Variants in C10orf88 observed in about 807,000 individuals in gnomAD.
C10orf88 encodes chromosome 10 open reading frame 88.
In C10orf88, 29 loss-of-function variants were observed where a neutral mutation model predicts 34.2. That is an observed-to-expected ratio of 0.85 (90% CI 0.63 to 1.16). C10orf88 has a LOEUF of 1.16. Ranked by LOEUF, C10orf88 falls within the 50% of genes most tolerant of loss-of-function variation. The pLI, the probability that C10orf88 is intolerant of heterozygous loss-of-function variation, is 0.00. For missense variants in C10orf88, 507 were observed against 533.2 expected, an observed-to-expected ratio of 0.95 and a Z score of 0.48; for synonymous variants, 194 against 197.4, an observed-to-expected ratio of 0.98 and a Z score of 0.15.
intron 4 of C10orf88, among the ~76,000 whole-genome samples, chr10:122,941,911 T>C (rs1848587031): frequency 6.6e-6 from 1 of 151,990 alleles, no homozygotes; most frequent in Non-Finnish European, 1.5e-5. Context: ...GCTACATGCA[T>C]AAAAAAACTC....
Position 122,954,020 on chromosome 10 carries a change from A to G in C10orf88, c.159T>C (p.Ala53=). Residue 53 remains alanine, a synonymous_variant, in exon 1 of 6, where the codon GCT becomes GCC. Coordinates refer to ENST00000481909, the MANE Select transcript of C10orf88 (RefSeq NM_024942.4). ...FDWEELLAPP[A]PGQDLVILKR... is the part of the protein sequence containing the mutation. ...TCCCCGTCGGCCCGGCGCACCCTGG[A>G]GCAGGCGGTGCCAGCAGCTCCTCCC... The G allele has an allele frequency of 1.3e-6, 2 of 1,523,372 alleles. No homozygotes were observed. Among genetic ancestry groups the G allele is most frequent in the Non-Finnish European group, 8.8e-7 (1 of 1,139,158 alleles). 94.4% of individuals were successfully genotyped at this position (1,523,372 alleles called of 1,614,324 possible). A position where few individuals can be genotyped will look rare whatever the true frequency, so the allele number is the denominator to read the frequency against.
At chr10:122,949,568 A>T (rs1411980947) in intron 3 of C10orf88, among the ~76,000 whole-genome samples, 3 of 152,246 alleles carry the variant, frequency 2.0e-5, no homozygotes, top group Non-Finnish European at 2.9e-5. Flanking sequence ...CATGTTCCAG[A>T]CAGGACTGAG....
chr10:122,943,695 C>G (rs1848607947), intron 4 of C10orf88, among the ~76,000 whole-genome samples: 1 of 151,992 alleles, frequency 6.6e-6, no homozygotes, highest in Non-Finnish European at 1.5e-5. Context: ...ACAAACAACC[C>G]CATCAAAAAG....
At position 122,951,964 on chromosome 10, in the gene C10orf88, C is replaced by T; in HGVS notation, c.431G>A (p.Cys144Tyr). The change falls in exon 3 of 6, where the codon TGT (cysteine) becomes TAT (tyrosine). Residue 144 changes from cysteine to tyrosine, a missense_variant. Coordinates refer to ENST00000481909, the MANE Select transcript of C10orf88 (RefSeq NM_024942.4). Reference sequence around the variant, plus strand: ...CAACTGACAACTTACCTTTATTTTACAAGCATGTGTGGAGGACTCCAATTT... The same window carrying T: ...CAACTGACAACTTACCTTTATTTTATAAGCATGTGTGGAGGACTCCAATTT... ...NLKLESSTHA[C>Y]KIKLLSFGER... The T allele has an allele frequency of 6.5e-7, 1 of 1,543,218 alleles. No individual in the cohort carries two copies. Among genetic ancestry groups the T allele is most frequent in the Non-Finnish European group, 8.9e-7 (1 of 1,123,626 alleles).
Position 122,954,050 on chromosome 10 carries a change from G to A in C10orf88, c.129C>T (p.Phe43=). ...LTRAGLGPGD[F]DWEELLAPPA... ...GCGGTGCCAGCAGCTCCTCCCAGTC[G>A]AAGTCACCGGGGCCGAGACCGGCCC... The change falls in exon 1 of 6, where the codon TTC becomes TTT. Residue 43 remains phenylalanine, a synonymous_variant. Transcript: ENST00000481909. 3.3e-6 allele frequency: 5 copies of A among 1,538,300 alleles called. No individual in the cohort carries two copies. Among genetic ancestry groups the A allele is most frequent in the Non-Finnish European group, 3.5e-6 (4 of 1,145,242 alleles).
chr10:122,937,407 C>T (rs1286290479), intron 5 of C10orf88, among the ~76,000 whole-genome samples: 1 of 152,002 alleles, frequency 6.6e-6, no homozygotes, highest in Non-Finnish European at 1.5e-5. Context: ...ATAATTCCCA[C>T]AGCTCCTTTC....
intron 5 of C10orf88, 111 bp from the exon 6 acceptor site, chr10:122,932,772 T>C: frequency 1.4e-6 from 1 of 737,148 alleles, no homozygotes; most frequent in Non-Finnish European, 2.2e-6. Flanking sequence ...ACAACTGTGC[T>C]CTGTCTTCTT....
intron 4 of C10orf88, among the ~76,000 whole-genome samples, chr10:122,947,560 C>T (rs1848651149): frequency 6.6e-6 from 1 of 152,144 alleles, no homozygotes; most frequent in South Asian, 2.1e-4. Flanking sequence ...TTTCCTCTCC[C>T]TTCACCACCC....
Position 122,954,224 on chromosome 10 carries a change from C to T in C10orf88, c.-46G>A. ...CAGCCCAGCCCCGGAACCTCTCTTC[C>T]AGTGCTTGAATTTCCGCCGGTACAG... On this transcript the variant is annotated 5_prime_UTR_variant, in exon 1 of 6. Coordinates refer to ENST00000481909, the MANE Select transcript of C10orf88 (RefSeq NM_024942.4). The T allele has an allele frequency of 6.8e-7, 1 of 1,461,030 alleles. No homozygotes were observed. The highest frequency in any genetic ancestry group is 1.4e-5 in the South Asian group (1 of 73,278). 90.5% of individuals were successfully genotyped at this position (1,461,030 alleles called of 1,614,324 possible). A position where few individuals can be genotyped will look rare whatever the true frequency, so the allele number is the denominator to read the frequency against.
intron 4 of C10orf88, among the ~76,000 whole-genome samples, chr10:122,946,530 AG>A: frequency 6.6e-6 from 1 of 152,318 alleles, no homozygotes; most frequent in East Asian, 1.9e-4. Context: ...CTTTGTTCTC[AG>A]AACATATCCC....
At chr10:122,949,490 A>G (rs73371524) in intron 3 of C10orf88, among the ~76,000 whole-genome samples, 3,183 of 152,282 alleles carry the variant, frequency 0.021, 129 homozygotes, top group African/African-American at 0.071. Flanking sequence ...CTGATGATAC[A>G]TTTGGCTAGT....
chr10:122,940,238 GAGA>G (rs1174469186), intron 4 of C10orf88, among the ~76,000 whole-genome samples: 1 of 151,984 alleles, frequency 6.6e-6, no homozygotes, highest in East Asian at 1.9e-4. Context: ...TTCAGCCTTT[GAGA>G]AGAAGGATAT....
intron 4 of C10orf88, among the ~76,000 whole-genome samples, chr10:122,944,715 A>G (rs944804766): frequency 4.6e-5 from 7 of 152,084 alleles, no homozygotes; most frequent in African/African-American, 1.7e-4. Context: ...ACTTGAAAAA[A>G]TACACTGCCC....
Position 122,954,192 on chromosome 10 carries a change from G to C in C10orf88, c.-14C>G. ...CCGCGTCTCCATTCCGCCGCCTTCA[G>C]TCAGGCCAGCCCAGCCCCGGAACCT... On this transcript the variant is annotated 5_prime_UTR_variant, in exon 1 of 6. Transcript: ENST00000481909. 2.6e-6 allele frequency: 4 copies of C among 1,552,492 alleles called. No homozygotes were observed. Among genetic ancestry groups the C allele is most frequent in the Non-Finnish European group, 3.5e-6 (4 of 1,157,074 alleles).
chr10:122,937,991 G>A lies in C10orf88; in HGVS notation c.817C>T (p.Gln273Ter). 4 of 1,613,330 alleles carry A rather than the reference G, an allele frequency of 2.5e-6. No homozygotes were observed. Among genetic ancestry groups the A allele is most frequent in the Non-Finnish European group, 3.4e-6 (4 of 1,179,484 alleles). ...LTSGNVTENLQTYIDKSTQLP... is the reference protein window; with the variant it reads ...LTSGNVTENL ...TGTGTACTTTTATCAATGTAAGTTT[G>A]TAAGTTTTCAGTCACGTTCCCAGAT... Residue 273 changes from glutamine (Q) to a stop codon, truncating the protein, a stop_gained, in exon 5 of 6, where the codon CAA becomes TAA. Transcript: ENST00000481909. LOFTEE classifies it high-confidence loss of function.
In C10orf88 at chr10:122,954,111, G is replaced by A; in HGVS notation, c.68C>T (p.Ala23Val). The A allele has an allele frequency of 6.3e-7, 1 of 1,588,602 alleles. No individual in the cohort carries two copies. The change falls in exon 1 of 6, where the codon GCA becomes GTA. Residue 23 changes from alanine to valine, a missense_variant. Physicochemically the swap from Ala to Val is moderately conservative, Grantham distance 64. Coordinates refer to ENST00000481909, the MANE Select transcript of C10orf88 (RefSeq NM_024942.4). The stretch of plus-strand genomic sequence containing the variant: ...GAGGCTGTGGGTCAGGGCCCCGCCT[G>A]CAACATCCCAAGAAGAGGCCAGCGT... ...RPTLASSWDV[A>V]GGALTHSLLL...
intron 4 of C10orf88, among the ~76,000 whole-genome samples, chr10:122,945,264 C>T (rs1453318636): frequency 6.6e-6 from 1 of 152,064 alleles, no homozygotes; most frequent in Non-Finnish European, 1.5e-5. Flanking sequence ...TGTAAACCAA[C>T]CGATTGCACA....
intron 4 of C10orf88, among the ~76,000 whole-genome samples, chr10:122,941,046 G>C (rs1032939584): frequency 6.6e-6 from 1 of 151,650 alleles, no homozygotes; most frequent in Non-Finnish European, 1.5e-5. Flanking sequence ...ATACCTTTTT[G>C]CTTTTTAATT....
chr10:122,936,492 G>C (rs1162480784), intron 5 of C10orf88, among the ~76,000 whole-genome samples: 1 of 151,666 alleles, frequency 6.6e-6, no homozygotes, highest in East Asian at 1.9e-4. Context: ...TTTAAGATCA[G>C]TTTGCTTGGC....
Sources: gnomAD v4.1 joint callset for allele counts (sites outside exome capture counted in the v4.1 genomes callset) on GRCh38, gnomAD v4.1.1 for gene constraint, MANE v1.5 for transcripts, NCBI Gene and HGNC (gene_info 2026-07-23, HGNC 2026-07-21) for gene names.